GPC5: variants seen among roughly 807,000 people sequenced by gnomAD.
GPC5 encodes the protein glypican-5.
A neutral mutation model predicts 53.9 loss-of-function variants in GPC5; 47 were observed. The observed-to-expected ratio is 0.87, with a 90% CI of 0.69 to 1.11. The LOEUF (loss-of-function observed/expected upper bound fraction) is 1.11, where lower values mean the gene tolerates loss of function less well. Ranked by LOEUF, GPC5 falls within the 50% of genes most tolerant of loss-of-function variation. GPC5 has a pLI of 0.00. For synonymous variants in GPC5, 286 were observed against 263.3 expected (o/e 1.09, Z -0.84); for missense variants, 748 against 713.1 (o/e 1.05, Z -0.56).
chr13:92,022,400 G>A, intron 6 of GPC5, among the ~76,000 whole-genome samples: 1 of 152,116 alleles, frequency 6.6e-6, no homozygotes, highest in East Asian at 1.9e-4. Context: ...CATATGAATA[G>A]ACTGGGAATA....
At chr13:91,487,344 T>TGTGAAGC (rs1883668537) in intron 2 of GPC5, among the ~76,000 whole-genome samples, 1 of 152,164 alleles carries the variant, frequency 6.6e-6, no homozygotes, top group Non-Finnish European at 1.5e-5. Context: ...GAAATTAACT[T>TGTGAAGC]ATAAAGAATT....
intron 7 of GPC5, among the ~76,000 whole-genome samples, chr13:92,282,176 G>A (rs2042920709): frequency 1.3e-5 from 2 of 152,172 alleles, no homozygotes; most frequent in South Asian, 2.1e-4. Context: ...ATGAAATGAA[G>A]TGAGAAGAGA....
At chr13:92,633,535 G>A (rs1206713408) in intron 7 of GPC5, among the ~76,000 whole-genome samples, 1 of 151,924 alleles carries the variant, frequency 6.6e-6, no homozygotes, top group Non-Finnish European at 1.5e-5. Context: ...AAGTATAAAT[G>A]TTTTATTTTC....
At chr13:92,418,122 T>C (rs1373687570) in intron 7 of GPC5, among the ~76,000 whole-genome samples, 1 of 152,146 alleles carries the variant, frequency 6.6e-6, no homozygotes. Flanking sequence ...AGAAAATAGA[T>C]TGGTGATTTC....
intron 5 of GPC5, among the ~76,000 whole-genome samples, chr13:91,896,085 T>C (rs1426813417): frequency 1.3e-5 from 2 of 151,904 alleles, no homozygotes; most frequent in Non-Finnish European, 2.9e-5. Context: ...CCAGATAATC[T>C]TGGATAATCC....
chr13:91,450,350 G>C (rs970200608), intron 2 of GPC5, among the ~76,000 whole-genome samples: 2 of 152,156 alleles, frequency 1.3e-5, no homozygotes, highest in African/African-American at 4.8e-5. Flanking sequence ...CAATGAAAAG[G>C]ATAGTAGGTA....
At chr13:91,970,431 C>T (rs572009862) in intron 6 of GPC5, among the ~76,000 whole-genome samples, 1 of 143,700 alleles carries the variant, frequency 7.0e-6, no homozygotes. Flanking sequence ...GAGTAGATTG[C>T]CCCCCCCTCA....
At chr13:91,893,979 A>G (rs2039415314) in intron 5 of GPC5, among the ~76,000 whole-genome samples, 1 of 151,172 alleles carries the variant, frequency 6.6e-6, no homozygotes, top group South Asian at 2.1e-4. Context: ...TGGCCCCTGC[A>G]TGGCATACAA....
At chr13:92,122,740 CTTTTTTTTTT>C (rs3058805) in intron 6 of GPC5, among the ~76,000 whole-genome samples, 7 of 67,084 alleles carry the variant, frequency 1.0e-4, no homozygotes, top group Non-Finnish European at 1.9e-4. Flanking sequence ...ATAGGTCAGT[CTTTTTTTTTT>C]TTTTTTTTTT....
intron 7 of GPC5, among the ~76,000 whole-genome samples, chr13:92,349,947 G>A (rs2043461723): frequency 6.6e-6 from 1 of 151,992 alleles, no homozygotes; most frequent in Admixed American, 6.6e-5. Context: ...AAAACTACAG[G>A]CCAATATCCT....
At chr13:91,743,040 C>G (rs342717) in intron 4 of GPC5, among the ~76,000 whole-genome samples, 112,008 of 151,966 alleles carry the variant, frequency 0.74, 41,415 homozygotes, top group Middle Eastern at 0.82. Context: ...TTACCGTGGG[C>G]CTATCTCACT....
At chr13:92,702,228 C>T (rs2139252083) in intron 7 of GPC5, among the ~76,000 whole-genome samples, 1 of 152,222 alleles carries the variant, frequency 6.6e-6, no homozygotes, top group Admixed American at 6.6e-5. Context: ...TCTCTCTACA[C>T]TCACATCCTG....
In GPC5 at chr13:91,975,231, C is replaced by T. The variant is rs781109713; in HGVS notation, c.1401+67174C>T. Among the ~76,000 whole-genome samples the T allele has an allele frequency of 2.5e-3, 384 of 152,224 alleles. 3 individuals carry two copies. The highest frequency in any genetic ancestry group is 3.9e-3 in the Admixed American group (60 of 15,294). On this transcript the variant is annotated intron_variant, in intron 6 of 7. Coordinates refer to ENST00000377067, the MANE Select transcript of GPC5 (RefSeq NM_004466.6). ...ATGGGCAAGGACTTCATGTCTAAAA[C>T]ACCAAAAGCAATGGCAACAAAAGCC...
chr13:91,662,522 C>A (rs1210039880), intron 2 of GPC5, among the ~76,000 whole-genome samples: 1 of 151,706 alleles, frequency 6.6e-6, no homozygotes, highest in South Asian at 2.1e-4. Flanking sequence ...AAAATTGGGG[C>A]AGTAAAAGTA....
At chr13:92,210,310 T>A (rs2042365902) in intron 7 of GPC5, among the ~76,000 whole-genome samples, 1 of 152,166 alleles carries the variant, frequency 6.6e-6, no homozygotes, top group Non-Finnish European at 1.5e-5. Context: ...TTATAGTGGA[T>A]TCTGATTTCC....
chr13:92,551,958 A>T (rs1482351860), intron 7 of GPC5, among the ~76,000 whole-genome samples: 1 of 151,904 alleles, frequency 6.6e-6, no homozygotes, highest in Non-Finnish European at 1.5e-5. Context: ...ACAAGATACT[A>T]ATATGCATTA....
chr13:92,137,173 C>T (rs1454873092), intron 6 of GPC5, among the ~76,000 whole-genome samples: 5 of 152,040 alleles, frequency 3.3e-5, no homozygotes, highest in Non-Finnish European at 5.9e-5. Flanking sequence ...AAGTGCTTTC[C>T]CATGTATTAT....
At chr13:91,464,737 A>G (rs886102988) in intron 2 of GPC5, among the ~76,000 whole-genome samples, 8 of 152,090 alleles carry the variant, frequency 5.3e-5, no homozygotes, top group African/African-American at 1.7e-4. Flanking sequence ...CTTTGTGGCA[A>G]TGGAACAGTT....
At chr13:91,536,963 G>C (rs977785769) in intron 2 of GPC5, among the ~76,000 whole-genome samples, 2 of 152,034 alleles carry the variant, frequency 1.3e-5, no homozygotes, top group African/African-American at 4.8e-5. Flanking sequence ...ACGAATCAAA[G>C]AAATCACAAG....
Sources: gnomAD v4.1 joint callset for allele counts (sites outside exome capture counted in the v4.1 genomes callset) on GRCh38, gnomAD v4.1.1 for gene constraint, MANE v1.5 for transcripts, NCBI Gene and HGNC (gene_info 2026-07-23, HGNC 2026-07-21) for gene names.